TLE1: variants seen among roughly 807,000 people sequenced by gnomAD.
The protein encoded by TLE1 is TLE family member 1, transcriptional corepressor.
TLE1 carries 21 observed loss-of-function variants against 89.8 expected under a neutral mutation model. That is an observed-to-expected ratio of 0.23 (90% confidence interval 0.17 to 0.34). TLE1 has a LOEUF of 0.34. Among genes scored for constraint, TLE1 ranks in the 10% least tolerant of loss-of-function variants. TLE1 has a pLI of 1.00. For synonymous variants in TLE1, 447 were observed against 407.6 expected (o/e 1.10, Z -1.16); for missense variants, 795 against 1,031.2 (o/e 0.77, Z 3.14).
At chr9:81,647,470 G>A (rs1349438825) in intron 6 of TLE1, among the ~76,000 whole-genome samples, 1 of 152,188 alleles carries the variant, frequency 6.6e-6, no homozygotes, top group Non-Finnish European at 1.5e-5. Context: ...CTTAATGGCA[G>A]GAGCAAAGCC....
intron 4 of TLE1, among the ~76,000 whole-genome samples, chr9:81,671,598 T>C (rs1041198267): frequency 1.4e-4 from 21 of 151,924 alleles, no homozygotes; most frequent in African/African-American, 3.9e-4. Context: ...TGAGCCAAGA[T>C]TGCGCCACTA....
At chr9:81,584,589 T>C (rs893766635) in intron 18 of TLE1, 65 bp from the exon 19 acceptor site, 42 of 1,467,450 alleles carry the variant, frequency 2.9e-5, no homozygotes, top group Non-Finnish European at 1.0e-5. Context: ...AATTAGCAAC[T>C]TGGACTTAAT....
intron 5 of TLE1, 49 bp downstream of exon 5, chr9:81,653,921 GCAAA>G: frequency 6.5e-7 from 1 of 1,529,806 alleles, no homozygotes. Context: ...TAGCTAATTT[GCAAA>G]CAGAGAAGCA....
rs193073866 is a variant in TLE1 at position 81,676,252 on chromosome 9, A to G, written c.234+9424T>C. Among the ~76,000 whole-genome samples the G allele has an allele frequency of 4.1e-3, 623 of 152,290 alleles. 9 individuals are homozygous for G. The highest frequency in any genetic ancestry group is 0.014 in the African/African-American group (595 of 41,560). On this transcript the variant is annotated intron_variant, in intron 4 of 19. Transcript: ENST00000376499. ...ACAATATAATCAATGCCTACTCTGG[A>G]TAACTCATCGGGAAGGGTAGATGGA... is the stretch of plus-strand genomic sequence containing the variant.
At chr9:81,604,222 T>G (rs1831337461) in intron 14 of TLE1, among the ~76,000 whole-genome samples, 1 of 152,114 alleles carries the variant, frequency 6.6e-6, no homozygotes, top group Non-Finnish European at 1.5e-5. Flanking sequence ...CTGCACCCCA[T>G]CCTAGGCTGT....
At chr9:81,657,570 T>A (rs543155959) in intron 4 of TLE1, among the ~76,000 whole-genome samples, 2 of 152,020 alleles carry the variant, frequency 1.3e-5, no homozygotes, top group African/African-American at 4.8e-5. Context: ...CTGAATGAAA[T>A]GAACTTGTAA....
intron 11 of TLE1, 109 bp from the exon 12 acceptor site, chr9:81,613,630 G>C (rs1824003284): frequency 7.8e-7 from 1 of 1,288,146 alleles, no homozygotes; most frequent in Non-Finnish European, 1.1e-6. Context: ...TACTCCCTCA[G>C]CCAATTTTCA....
intron 9 of TLE1, among the ~76,000 whole-genome samples, chr9:81,617,140 A>C (rs1824638989): frequency 6.6e-6 from 1 of 151,982 alleles, no homozygotes; most frequent in Admixed American, 6.6e-5. Context: ...ATGCAAAAAA[A>C]AAAAAAAAAA....
At chr9:81,661,206 TTA>T (rs34610877) in intron 4 of TLE1, among the ~76,000 whole-genome samples, 88,078 of 136,202 alleles carry the variant, frequency 0.65, 27,151 homozygotes, top group South Asian at 0.74. Context: ...ATATGTATTT[TTA>T]TATATATATA....
At chr9:81,640,408 A>G (rs545333001) in intron 6 of TLE1, among the ~76,000 whole-genome samples, 22 of 152,274 alleles carry the variant, frequency 1.4e-4, no homozygotes, top group African/African-American at 5.3e-4. Flanking sequence ...AAAAAAAAAA[A>G]AAATCCTTGT....
chr9:81,665,427 C>T (rs1159265783), intron 4 of TLE1, among the ~76,000 whole-genome samples: 1 of 152,108 alleles, frequency 6.6e-6, no homozygotes, highest in Non-Finnish European at 1.5e-5. Flanking sequence ...TAAATCTGAG[C>T]TCTCTCCAAC....
intron 6 of TLE1, among the ~76,000 whole-genome samples, chr9:81,642,530 TAAAAAA>T (rs35355418): frequency 6.8e-6 from 1 of 147,554 alleles, no homozygotes; most frequent in Non-Finnish European, 1.5e-5. Flanking sequence ...CGTCTCTACT[TAAAAAA>T]AAAAAAAATT....
chr9:81,624,694 G>C (rs192175821), intron 8 of TLE1, among the ~76,000 whole-genome samples: 1 of 152,062 alleles, frequency 6.6e-6, no homozygotes, highest in Non-Finnish European at 1.5e-5. Context: ...TTTTTTTAAA[G>C]ACTTTAAATG....
intron 4 of TLE1, among the ~76,000 whole-genome samples, chr9:81,654,763 T>C (rs980380255): frequency 6.6e-6 from 1 of 152,190 alleles, no homozygotes; most frequent in Non-Finnish European, 1.5e-5. Context: ...CTTTCAAAGA[T>C]GAGGCCTAAG....
intron 9 of TLE1, among the ~76,000 whole-genome samples, chr9:81,618,269 A>G (rs1330627307): frequency 6.6e-6 from 1 of 152,214 alleles, no homozygotes; most frequent in Non-Finnish European, 1.5e-5. Flanking sequence ...TCAGTGAAGA[A>G]TATAGAAATA....
intron 15 of TLE1, among the ~76,000 whole-genome samples, chr9:81,592,524 G>A (rs1452397578): frequency 6.6e-6 from 1 of 152,174 alleles, no homozygotes; most frequent in Non-Finnish European, 1.5e-5. Context: ...TGCAGTGACA[G>A]CCTTTAACCC....
chr9:81,663,862 G>T (rs1354164002), intron 4 of TLE1, among the ~76,000 whole-genome samples: 1 of 151,850 alleles, frequency 6.6e-6, no homozygotes, highest in Non-Finnish European at 1.5e-5. Context: ...CTGACCTCGT[G>T]ATCCGCCCAC....
At chr9:81,686,549 G>A (rs1564090100) in intron 2 of TLE1, among the ~76,000 whole-genome samples, 1 of 152,138 alleles carries the variant, frequency 6.6e-6, no homozygotes, top group Non-Finnish European at 1.5e-5. Flanking sequence ...AAGCCACTTC[G>A]CCTCATCTGT....
chr9:81,668,398 G>C (rs543177015), intron 4 of TLE1, among the ~76,000 whole-genome samples: 1 of 152,276 alleles, frequency 6.6e-6, no homozygotes, highest in African/African-American at 2.4e-5. Context: ...ATTTAGAAGA[G>C]AGTAAGCAAA....
Sources: allele counts gnomAD v4.1 joint callset (sites outside exome capture counted in the v4.1 genomes callset), GRCh38; gene constraint gnomAD v4.1.1; transcripts MANE v1.5; gene names NCBI Gene and HGNC (gene_info 2026-07-23, HGNC 2026-07-21).